The following PRKN variants were observed in gnomAD, a reference collection of about 807,000 sequenced individuals.
PRKN encodes E3 ubiquitin-protein ligase parkin.
In PRKN, 56 loss-of-function variants were observed where a neutral mutation model predicts 59.5. The ratio of observed to expected loss-of-function variants is 0.94; its 90% confidence interval spans 0.76 to 1.18. PRKN has a LOEUF of 1.18. Ranked by LOEUF, PRKN falls within the 50% of genes most tolerant of loss-of-function variation. PRKN has a pLI of 0.00. For synonymous variants in PRKN, 250 were observed against 222.1 expected (o/e 1.13, Z -1.12); for missense variants, 657 against 596.4 (o/e 1.10, Z -1.06).
At chr6:162,147,046 TAA>T (rs1782061331) in intron 4 of PRKN, among the ~76,000 whole-genome samples, 1 of 148,518 alleles carries the variant, frequency 6.7e-6, no homozygotes, top group South Asian at 2.3e-4. Flanking sequence ...TTATTTTGTC[TAA>T]AAAGATGCAG....
chr6:161,514,293 G>A (rs758884799), intron 9 of PRKN, among the ~76,000 whole-genome samples: 4 of 152,146 alleles, frequency 2.6e-5, no homozygotes, highest in Non-Finnish European at 4.4e-5. Flanking sequence ...TAGGCAGGTT[G>A]CACAGACAGG....
At chr6:161,741,785 G>A (rs923960376) in intron 7 of PRKN, among the ~76,000 whole-genome samples, 1 of 152,056 alleles carries the variant, frequency 6.6e-6, no homozygotes. Flanking sequence ...TAACTCCCAT[G>A]TGATATGGTT....
chr6:161,633,423 C>T (rs978607066), intron 7 of PRKN, among the ~76,000 whole-genome samples: 2 of 152,154 alleles, frequency 1.3e-5, no homozygotes, highest in Non-Finnish European at 2.9e-5. Context: ...TTAAGACATC[C>T]GTTAAAAGTC....
intron 9 of PRKN, among the ~76,000 whole-genome samples, chr6:161,489,108 C>T (rs1720783517): frequency 6.6e-6 from 1 of 152,104 alleles, no homozygotes; most frequent in Non-Finnish European, 1.5e-5. Context: ...ATACTGATTT[C>T]TAAGACATAA....
At chr6:162,077,933 G>A (rs533543417) in intron 4 of PRKN, among the ~76,000 whole-genome samples, 36 of 150,892 alleles carry the variant, frequency 2.4e-4, no homozygotes, top group African/African-American at 8.6e-4. Context: ...CTCAGGAGGC[G>A]GAGGTTGCAG....
chr6:162,149,419 A>C (rs866655058), intron 4 of PRKN, among the ~76,000 whole-genome samples: 6 of 151,916 alleles, frequency 3.9e-5, no homozygotes, highest in African/African-American at 1.5e-4. Flanking sequence ...TAAGTTTTGC[A>C]TTTTTAGTAG....
At chr6:162,579,550 C>T (rs1034786987) in intron 1 of PRKN, among the ~76,000 whole-genome samples, 8 of 152,008 alleles carry the variant, frequency 5.3e-5, no homozygotes, top group Non-Finnish European at 1.2e-4. Context: ...CTTTCACACA[C>T]ATATCCAGAT....
intron 7 of PRKN, among the ~76,000 whole-genome samples, chr6:161,764,839 T>C (rs1051908404): frequency 1.3e-5 from 2 of 152,214 alleles, no homozygotes; most frequent in African/African-American, 4.8e-5. Flanking sequence ...TAGAATAGTA[T>C]GCCAAGCAGT....
At chr6:161,441,126 C>T (rs1481128929) in intron 9 of PRKN, among the ~76,000 whole-genome samples, 1 of 152,108 alleles carries the variant, frequency 6.6e-6, no homozygotes, top group African/African-American at 2.4e-5. Context: ...ATCTGCGGCA[C>T]AAAACACAGC....
intron 1 of PRKN, among the ~76,000 whole-genome samples, chr6:162,462,550 G>A (rs1791225434): frequency 6.6e-6 from 1 of 152,046 alleles, no homozygotes; most frequent in Non-Finnish European, 1.5e-5. Flanking sequence ...TACATGTATA[G>A]TCTCCCCCAA....
At chr6:162,590,532 G>A (rs112632802) in intron 1 of PRKN, among the ~76,000 whole-genome samples, 5 of 152,030 alleles carry the variant, frequency 3.3e-5, no homozygotes, top group African/African-American at 1.2e-4. Flanking sequence ...TTGATCTTGC[G>A]GCTTTCTTGC....
At chr6:162,640,265 G>C (rs1034566531) in intron 1 of PRKN, among the ~76,000 whole-genome samples, 5 of 152,014 alleles carry the variant, frequency 3.3e-5, no homozygotes, top group Non-Finnish European at 7.4e-5. Context: ...GATTAAATGA[G>C]AATCATTCTC....
chr6:161,790,049 A>C (rs73785412), intron 6 of PRKN, among the ~76,000 whole-genome samples: 3,191 of 152,292 alleles, frequency 0.021, 127 homozygotes, highest in African/African-American at 0.072. Context: ...TAGTTGAGAG[A>C]CATAAGATTA....
chr6:162,509,097 T>C (rs1166593531), intron 1 of PRKN, among the ~76,000 whole-genome samples: 5 of 152,216 alleles, frequency 3.3e-5, no homozygotes, highest in African/African-American at 1.2e-4. Context: ...GCAGATATCA[T>C]TGTTGTGGCC....
intron 2 of PRKN, among the ~76,000 whole-genome samples, chr6:162,361,683 T>C (rs1029566763): frequency 5.3e-5 from 8 of 152,218 alleles, no homozygotes; most frequent in Admixed American, 6.5e-5. Flanking sequence ...AAAAGCCACA[T>C]TGATTTTTGC....
intron 1 of PRKN, among the ~76,000 whole-genome samples, chr6:162,577,404 A>C (rs1780604363): frequency 6.6e-6 from 1 of 151,662 alleles, no homozygotes; most frequent in Non-Finnish European, 1.5e-5. Context: ...GTTCGAGACC[A>C]GCCTGGCCGA....
intron 7 of PRKN, among the ~76,000 whole-genome samples, chr6:161,602,418 G>C (rs186898322): frequency 6.6e-6 from 1 of 152,318 alleles, no homozygotes; most frequent in Admixed American, 6.5e-5. Context: ...AGTAGCCTTA[G>C]CATCTCTGCT....
intron 1 of PRKN, among the ~76,000 whole-genome samples, chr6:162,474,580 C>A (rs1446489143): frequency 1.3e-5 from 2 of 152,162 alleles, no homozygotes; most frequent in East Asian, 3.9e-4. Context: ...TAAAAATATT[C>A]TATTAAATGT....
chr6:162,199,670 T>G (rs982443163), intron 4 of PRKN, among the ~76,000 whole-genome samples: 1 of 152,124 alleles, frequency 6.6e-6, no homozygotes, highest in African/African-American at 2.4e-5. Flanking sequence ...CCAAGAACTG[T>G]CCCAGAAAGA....
Sources: gnomAD v4.1 joint callset for allele counts (sites outside exome capture counted in the v4.1 genomes callset) on GRCh38, gnomAD v4.1.1 for gene constraint, MANE v1.5 for transcripts, NCBI Gene and HGNC (gene_info 2026-07-23, HGNC 2026-07-21) for gene names.